CCDC102B: variants seen among roughly 807,000 people sequenced by gnomAD.
CCDC102B encodes the protein coiled-coil domain-containing protein 102B.
CCDC102B carries 75 observed loss-of-function variants against 57.4 expected under a neutral mutation model. That is an observed-to-expected ratio of 1.31 (90% CI 1.08 to 1.58). The LOEUF is 1.58. Ranked by LOEUF, CCDC102B falls within the 40% of genes most tolerant of loss-of-function variation. The pLI is 0.00. For synonymous variants in CCDC102B, 206 were observed against 201.9 expected (o/e 1.02, Z -0.17); for missense variants, 636 against 582.6 (o/e 1.09, Z -0.94).
chr18:68,978,904 T>C (rs367779627), intron 6 of CCDC102B, among the ~76,000 whole-genome samples: 1 of 152,062 alleles, frequency 6.6e-6, no homozygotes, highest in African/African-American at 2.4e-5. Flanking sequence ...AGAGAAATGA[T>C]AGAACAAAAC....
intron 6 of CCDC102B, among the ~76,000 whole-genome samples, chr18:68,987,085 G>A (rs961117619): frequency 3.9e-5 from 6 of 152,042 alleles, no homozygotes; most frequent in Non-Finnish European, 8.8e-5. Context: ...AAATTCATAT[G>A]GAACCAAAAA....
intron 7 of CCDC102B, among the ~76,000 whole-genome samples, chr18:69,050,675 T>G (rs1409319487): frequency 1.3e-5 from 2 of 152,170 alleles, no homozygotes; most frequent in Non-Finnish European, 2.9e-5. Context: ...ATGGAGAGTA[T>G]TAAACTCTCT....
chr18:68,916,384 A>G (rs1022627757), intron 6 of CCDC102B, among the ~76,000 whole-genome samples: 4 of 152,056 alleles, frequency 2.6e-5, no homozygotes, highest in Non-Finnish European at 5.9e-5. Context: ...TGATCACTCA[A>G]CCTTAGCTGA....
chr18:68,999,661 G>T (rs190859220), intron 6 of CCDC102B, among the ~76,000 whole-genome samples: 1 of 152,002 alleles, frequency 6.6e-6, no homozygotes, highest in African/African-American at 2.4e-5. Context: ...AAGTTCTGGG[G>T]TAAGTTTTAT....
At chr18:68,767,999 G>A (rs1287351002) in intron 2 of CCDC102B, among the ~76,000 whole-genome samples, 1 of 151,890 alleles carries the variant, frequency 6.6e-6, no homozygotes. Context: ...ATTTTTGGAG[G>A]TTGACATTTT....
At chr18:68,772,987 A>G (rs1199932584) in intron 2 of CCDC102B, among the ~76,000 whole-genome samples, 1 of 152,098 alleles carries the variant, frequency 6.6e-6, no homozygotes, top group Middle Eastern at 3.2e-3. Flanking sequence ...AAGAGGGCAA[A>G]TGAATGTTAC....
intron 3 of CCDC102B, among the ~76,000 whole-genome samples, chr18:68,839,566 C>T (rs1599546656): frequency 1.3e-5 from 2 of 152,142 alleles, no homozygotes; most frequent in South Asian, 2.1e-4. Flanking sequence ...TCAAGAATCG[C>T]GAGCATGGCT....
chr18:68,795,277 T>C (rs2144669580), upstream of CCDC102B, among the ~76,000 whole-genome samples: 1 of 152,212 alleles, frequency 6.6e-6, no homozygotes. Flanking sequence ...TGGAGATTAT[T>C]GAAAGATTTA....
In CCDC102B at chr18:68,786,764, C is replaced by T. The variant is rs1245394480; in HGVS notation, c.-66-36602C>T. Reference sequence around the variant, plus strand: ...GGGTTTTCTAGATATACAATCATGTCGTCTGCAAACAGGGACAATTTGACT... The same window carrying T: ...GGGTTTTCTAGATATACAATCATGTTGTCTGCAAACAGGGACAATTTGACT... On this transcript the variant is annotated intron_variant, in intron 2 of 3. Coordinates refer to the CCDC102B transcript ENST00000578970. 2.4e-3 allele frequency among the ~76,000 whole-genome samples: 348 copies of T among 145,256 alleles called. 1 individual carries two copies. Among genetic ancestry groups the T allele is most frequent in the African/African-American group, 8.4e-3 (329 of 39,260 alleles).
intron 6 of CCDC102B, among the ~76,000 whole-genome samples, chr18:68,987,311 G>A (rs538744339): frequency 8.5e-5 from 13 of 152,226 alleles, no homozygotes; most frequent in African/African-American, 2.9e-4. Context: ...ACTAAAACAA[G>A]CAATGGGGAA....
chr18:68,834,840 T>A (rs11151467), intron 1 of CCDC102B, among the ~76,000 whole-genome samples: 1 of 151,802 alleles, frequency 6.6e-6, no homozygotes, highest in Non-Finnish European at 1.5e-5. Context: ...AAGGCTTATT[T>A]TGTAAGTTAG....
In CCDC102B at chr18:69,018,960, CA is replaced by C. The variant is rs549025034; in HGVS notation, c.1434+7857del. ...GTGTGTGGTGCAAGATATGGATATC[CA>C]GCTATCCCAACACTACTTGTTGAAG... is the stretch of plus-strand genomic sequence containing the variant. On this transcript the variant is annotated intron_variant, in intron 7 of 7. Transcript: ENST00000360242. Among the ~76,000 whole-genome samples the C allele has an allele frequency of 7.5e-4, 114 of 151,574 alleles. 1 individual carries two copies. The highest frequency in any genetic ancestry group is 6.3e-3 in the Admixed American group (95 of 15,164).
chr18:68,954,922 G>A (rs1599745548), intron 6 of CCDC102B, among the ~76,000 whole-genome samples: 1 of 152,220 alleles, frequency 6.6e-6, no homozygotes, highest in East Asian at 1.9e-4. Context: ...TCAGTGACAC[G>A]AAGTCTACAT....
intron 7 of CCDC102B, among the ~76,000 whole-genome samples, chr18:69,022,223 A>ATATATATATATATATC (rs1160074383): frequency 9.9e-6 from 1 of 100,550 alleles, no homozygotes; most frequent in African/African-American, 4.4e-5. Flanking sequence ...ATATATATAT[A>ATATATATATATATATC]ACACACACAC....
chr18:68,799,234 C>T (rs189626535), intron 1 of CCDC102B, among the ~76,000 whole-genome samples: 8 of 152,016 alleles, frequency 5.3e-5, no homozygotes, highest in East Asian at 1.9e-4. Flanking sequence ...TATAAGTTAG[C>T]GATACAATAT....
chr18:68,869,521 G>A (rs751988831), intron 4 of CCDC102B, among the ~76,000 whole-genome samples: 5 of 152,204 alleles, frequency 3.3e-5, no homozygotes, highest in Non-Finnish European at 5.9e-5. Context: ...GGCACTTGAT[G>A]GTAAAAGGAA....
intron 6 of CCDC102B, among the ~76,000 whole-genome samples, chr18:68,937,556 T>G (rs1347927473): frequency 6.6e-6 from 1 of 152,088 alleles, no homozygotes; most frequent in Non-Finnish European, 1.5e-5. Context: ...ACTCCATTTT[T>G]AATTGTTCAC....
chr18:69,032,898 A>G (rs2052186576), intron 7 of CCDC102B, among the ~76,000 whole-genome samples: 1 of 152,150 alleles, frequency 6.6e-6, no homozygotes, highest in Non-Finnish European at 1.5e-5. Flanking sequence ...AAGAGAAGAA[A>G]AAAAAACTCT....
In CCDC102B at chr18:69,016,906, A is replaced by G. The variant is rs529708875; in HGVS notation, c.1434+5802A>G. Reference sequence around the variant, plus strand: ...TTAACATTTACAGTATATATTAGCAATCTTCTTTGGTTCTCAATGATAGGT... The same window carrying G: ...TTAACATTTACAGTATATATTAGCAGTCTTCTTTGGTTCTCAATGATAGGT... On this transcript the variant is annotated intron_variant, in intron 7 of 7. Transcript: ENST00000360242. Among the ~76,000 whole-genome samples the G allele has an allele frequency of 6.8e-4, 103 of 152,266 alleles. No homozygotes were observed. The South Asian group carries it at 0.017, about 25-fold the overall frequency.
Sources: allele counts gnomAD v4.1 joint callset (sites outside exome capture counted in the v4.1 genomes callset), GRCh38; gene constraint gnomAD v4.1.1; transcripts MANE v1.5; gene names NCBI Gene and HGNC (gene_info 2026-07-23, HGNC 2026-07-21).